POU6F2: variants seen among roughly 807,000 people sequenced by gnomAD.
POU6F2 encodes the protein POU domain, class 6, transcription factor 2.
POU6F2 carries 31 observed loss-of-function variants against 71.3 expected under a neutral mutation model. The ratio of observed to expected loss-of-function variants is 0.43; its 90% CI spans 0.33 to 0.59. The LOEUF is 0.59. POU6F2 is among the 20% of genes least tolerant of loss of function. The pLI is 0.04. For missense variants in POU6F2, 783 were observed against 856.8 expected (o/e 0.91, Z 1.07); for synonymous variants, 347 against 355.7 (o/e 0.98, Z 0.27).
intron 4 of POU6F2, among the ~76,000 whole-genome samples, chr7:39,219,895 T>C (rs1794314581): frequency 6.6e-6 from 1 of 151,688 alleles, no homozygotes; most frequent in South Asian, 2.1e-4. Context: ...ATAATTTGAT[T>C]TTGCTGTGCT....
intron 1 of POU6F2, among the ~76,000 whole-genome samples, chr7:39,022,080 CTTTCT>C (rs1329890221): frequency 1.3e-5 from 2 of 151,998 alleles, no homozygotes; most frequent in East Asian, 3.9e-4. Flanking sequence ...AGACTTGTGA[CTTTCT>C]TTGGCTCAGG....
At chr7:39,029,859 A>T (rs1441723897) in intron 1 of POU6F2, among the ~76,000 whole-genome samples, 1 of 152,128 alleles carries the variant, frequency 6.6e-6, no homozygotes, top group Non-Finnish European at 1.5e-5. Flanking sequence ...GAAAATATTA[A>T]GCCACTCTTG....
chr7:39,246,375 A>G (rs1289595653), intron 4 of POU6F2, among the ~76,000 whole-genome samples: 4 of 152,148 alleles, frequency 2.6e-5, no homozygotes, highest in Non-Finnish European at 1.5e-5. Context: ...CCAAAGGGGA[A>G]AACAGTGTCA....
chr7:39,056,668 G>GTGTATGTGTA (rs1790530754), intron 1 of POU6F2, among the ~76,000 whole-genome samples: 1 of 130,658 alleles, frequency 7.7e-6, no homozygotes, highest in African/African-American at 2.9e-5. Context: ...CTCTCTGTGT[G>GTGTATGTGTA]TGTGTGTGTA....
At chr7:39,330,101 C>T (rs1325559920) in intron 4 of POU6F2, among the ~76,000 whole-genome samples, 1 of 152,192 alleles carries the variant, frequency 6.6e-6, no homozygotes, top group East Asian at 1.9e-4. Flanking sequence ...CCAGGAGAAT[C>T]ACATTTAACC....
chr7:39,275,445 A>G (rs1302007520), intron 4 of POU6F2, among the ~76,000 whole-genome samples: 1 of 152,238 alleles, frequency 6.6e-6, no homozygotes, highest in East Asian at 1.9e-4. Context: ...ATGGGTAGGA[A>G]GAATCAATAT....
intron 1 of POU6F2, among the ~76,000 whole-genome samples, chr7:39,015,655 A>ATATCTATG (rs1397399478): frequency 1.1e-5 from 1 of 88,862 alleles, no homozygotes; most frequent in Non-Finnish European, 2.1e-5. Context: ...ATAGATATAT[A>ATATCTATG]TTATATATAG....
chr7:39,204,401 T>C, intron 3 of POU6F2, 75 bp downstream of exon 3: 1 of 1,260,084 alleles, frequency 7.9e-7, no homozygotes, highest in Non-Finnish European at 1.1e-6. Context: ...AAATAAATAA[T>C]AATGAGTTAA....
chr7:39,104,825 C>T (rs1448456153), intron 2 of POU6F2, among the ~76,000 whole-genome samples: 2 of 152,186 alleles, frequency 1.3e-5, no homozygotes, highest in Non-Finnish European at 2.9e-5. Context: ...AAAGAAAGCA[C>T]TTTGGAGACC....
chr7:39,190,072 T>G (rs1234645733), intron 2 of POU6F2, among the ~76,000 whole-genome samples: 2 of 152,058 alleles, frequency 1.3e-5, no homozygotes, highest in Non-Finnish European at 2.9e-5. Flanking sequence ...TTTTTTGTGT[T>G]TTTTGTAGAG....
chr7:39,186,272 C>T (rs1584589471), intron 2 of POU6F2, among the ~76,000 whole-genome samples: 2 of 152,230 alleles, frequency 1.3e-5, no homozygotes, highest in South Asian at 4.2e-4. Flanking sequence ...TCCTGCGGGG[C>T]AAGGACTGAG....
Position 38,996,456 on chromosome 7 carries a change from G to T in POU6F2, c.105+18398G>T, listed in dbSNP as rs573355823. ...CCAGAAAGAGTCATTCCCAAGGTTT[G>T]CTCACAGGTTCTTCTCTTTCTTCAG... On this transcript the variant is annotated intron_variant, in intron 1 of 9. Coordinates refer to ENST00000518318, the MANE Select transcript of POU6F2 (RefSeq NM_001370959.1). Among the ~76,000 whole-genome samples the T allele has an allele frequency of 1.8e-4, 27 of 152,142 alleles. 1 individual carries two copies. The highest frequency in any genetic ancestry group is 5.3e-4 in the African/African-American group (22 of 41,508).
rs1176830311 is a variant in POU6F2 at position 39,296,471 on chromosome 7, G to T, written c.599-43171G>T. 2.0e-5 allele frequency among the ~76,000 whole-genome samples: 3 copies of T among 152,316 alleles called. No individual in the cohort carries two copies. In the East Asian group the frequency reaches 5.8e-4, roughly 29 times the overall value. On this transcript the variant is annotated intron_variant, in intron 4 of 9. Transcript: ENST00000518318. ...TCACATCCAATCTGTTTTCCACGCT[G>T]CAACCAGCGTGATCTTCTCAAAATG... is the stretch of plus-strand genomic sequence containing the variant.
chr7:39,037,228 G>T (rs117681135), intron 1 of POU6F2, among the ~76,000 whole-genome samples: 1 of 151,996 alleles, frequency 6.6e-6, no homozygotes, highest in Non-Finnish European at 1.5e-5. Flanking sequence ...ATCCCTGAAT[G>T]TGCCACCCTG....
intron 4 of POU6F2, among the ~76,000 whole-genome samples, chr7:39,236,071 C>T (rs986022733): frequency 6.6e-6 from 1 of 152,098 alleles, no homozygotes; most frequent in Non-Finnish European, 1.5e-5. Flanking sequence ...AACATTTTCC[C>T]AAGAAACTAT....
At chr7:39,042,829 C>T (rs997093561) in intron 1 of POU6F2, among the ~76,000 whole-genome samples, 4 of 149,166 alleles carry the variant, frequency 2.7e-5, no homozygotes, top group East Asian at 2.0e-4. Flanking sequence ...CTGGCTAAGT[C>T]GTGCCTTCAG....
chr7:39,028,167 C>A (rs1372675989), intron 1 of POU6F2, among the ~76,000 whole-genome samples: 5 of 151,868 alleles, frequency 3.3e-5, no homozygotes, highest in African/African-American at 4.8e-5. Context: ...GTCATATTTT[C>A]TATTGTTTTT....
At position 39,465,701 on chromosome 7, in the gene POU6F2, T is replaced by A. The variant is rs1789055916; in HGVS notation, c.*1015T>A. The A allele has an allele frequency of 1.3e-5, 2 of 152,262 alleles. No individual in the cohort carries two copies. The highest frequency in any genetic ancestry group is 1.3e-4 in the Admixed American group (2 of 15,282). The allele number at this position is 152,262 out of a possible 1,614,324, so 9.4% of individuals were successfully genotyped here. ...CCAAAATAACTAGGGCTTTGCTCGA[T>A]GAACTGTCAACACTGGCATAAGCTG... is the stretch of plus-strand genomic sequence containing the variant. On this transcript the variant is annotated 3_prime_UTR_variant, in exon 10 of 10. Coordinates refer to ENST00000518318, the MANE Select transcript of POU6F2 (RefSeq NM_001370959.1).
chr7:39,357,472 C>T (rs1407213728), intron 5 of POU6F2, among the ~76,000 whole-genome samples: 1 of 152,148 alleles, frequency 6.6e-6, no homozygotes, highest in African/African-American at 2.4e-5. Flanking sequence ...GTTTGAGCCC[C>T]GGTCTGACCC....
Sources: gnomAD v4.1 joint callset for allele counts (sites outside exome capture counted in the v4.1 genomes callset) on GRCh38, gnomAD v4.1.1 for gene constraint, MANE v1.5 for transcripts, NCBI Gene and HGNC (gene_info 2026-07-23, HGNC 2026-07-21) for gene names.